PBX1: variants seen among roughly 807,000 people sequenced by gnomAD.
The protein encoded by PBX1 is pre-B-cell leukemia transcription factor 1.
A neutral mutation model predicts 53.4 loss-of-function variants in PBX1; 6 were observed. The observed-to-expected ratio is 0.11, with a 90% CI of 0.06 to 0.22. The LOEUF (loss-of-function observed/expected upper bound fraction) is 0.22. Ranked by LOEUF, PBX1 falls within the 10% of genes least tolerant of loss-of-function variation. PBX1 has a pLI of 1.00. For missense variants in PBX1, 251 were observed against 551.4 expected, an observed-to-expected ratio of 0.46 and a Z score of 5.46; for synonymous variants, 204 against 212.3, an observed-to-expected ratio of 0.96 and a Z score of 0.34.
chr1:164,590,208 T>C, intron 2 of PBX1: 1 of 341,706 alleles, frequency 2.9e-6, no homozygotes, highest in Non-Finnish European at 5.6e-6. Context: ...CGAGACCCTG[T>C]GTTGAAAAAA....
At chr1:164,562,493 A>ACC (rs1553207151) in intron 1 of PBX1, among the ~76,000 whole-genome samples, 4 of 145,290 alleles carry the variant, frequency 2.8e-5, no homozygotes, top group African/African-American at 1.0e-4. Context: ...ACACACACAC[A>ACC]CCAGGTAAAT....
At chr1:164,800,535 A>G (rs1669019695) in intron 4 of PBX1, among the ~76,000 whole-genome samples, 1 of 152,198 alleles carries the variant, frequency 6.6e-6, no homozygotes, top group Non-Finnish European at 1.5e-5. Context: ...AAGGACCTTT[A>G]AAAGAAGACA....
At chr1:164,604,550 T>C (rs990639062) in intron 2 of PBX1, among the ~76,000 whole-genome samples, 7 of 152,226 alleles carry the variant, frequency 4.6e-5, no homozygotes, top group Non-Finnish European at 7.3e-5. Flanking sequence ...GATTTGGCCT[T>C]AACAAATGAA....
At chr1:164,815,388 GTGTT>G (rs1669831782) in intron 6 of PBX1, 1 of 152,190 alleles carries the variant, frequency 6.6e-6, no homozygotes, top group African/African-American at 2.4e-5. Context: ...GCTTAGCTGT[GTGTT>G]TGTGTCAAGG....
At chr1:164,650,843 G>A (rs1659762191) in intron 2 of PBX1, among the ~76,000 whole-genome samples, 1 of 151,824 alleles carries the variant, frequency 6.6e-6, no homozygotes, top group Non-Finnish European at 1.5e-5. Context: ...GCAGGAAGTA[G>A]CATTTCAGAT....
chr1:164,633,778 A>G (rs1658566254), intron 2 of PBX1, among the ~76,000 whole-genome samples: 1 of 152,190 alleles, frequency 6.6e-6, no homozygotes, highest in Admixed American at 6.5e-5. Flanking sequence ...TTCCTAATCT[A>G]TGTAATAGGA....
chr1:164,600,990 A>G (rs1656129023), intron 2 of PBX1, among the ~76,000 whole-genome samples: 1 of 152,098 alleles, frequency 6.6e-6, no homozygotes, highest in South Asian at 2.1e-4. Context: ...TAATCCCAGC[A>G]CTTTGGGAGG....
intron 2 of PBX1, among the ~76,000 whole-genome samples, chr1:164,782,169 C>T (rs2102277109): frequency 6.6e-6 from 1 of 152,316 alleles, no homozygotes; most frequent in South Asian, 2.1e-4. Context: ...CCTAGAGTGG[C>T]TTCCAGTGCC....
rs914427001 is a variant in PBX1 at position 164,559,569 on chromosome 1, C to T, written c.-254C>T. ...TTGCTTTTTGGAGTCAACACCCTTC[C>T]CCACCAGCCCTTATCCCCACCCTCA... On this transcript the variant is annotated 5_prime_UTR_variant, in exon 1 of 9. Transcript: ENST00000420696. 2.5e-6 allele frequency: 1 copy of T among 397,240 alleles called. No individual in the cohort carries two copies. The highest frequency in any genetic ancestry group is 2.1e-5 in the African/African-American group (1 of 48,424). 24.6% of individuals were successfully genotyped at this position (397,240 alleles called of 1,614,324 possible). A position where few individuals can be genotyped will look rare whatever the true frequency, so the allele number is the denominator to read the frequency against.
At chr1:164,684,124 T>A (rs1365749665) in intron 2 of PBX1, 1 of 152,178 alleles carries the variant, frequency 6.6e-6, no homozygotes, top group Non-Finnish European at 1.5e-5. Context: ...AGCCTGTAAT[T>A]ATTCTAAAGA....
chr1:164,612,560 C>T (rs1470328062), intron 2 of PBX1, among the ~76,000 whole-genome samples: 1 of 152,166 alleles, frequency 6.6e-6, no homozygotes, highest in Admixed American at 6.6e-5. Flanking sequence ...CTTCCTCCTT[C>T]CCTCACCCCA....
intron 2 of PBX1, among the ~76,000 whole-genome samples, chr1:164,711,856 G>A (rs1031106226): frequency 1.3e-5 from 2 of 152,226 alleles, no homozygotes; most frequent in East Asian, 3.9e-4. Context: ...ACTGAAATGT[G>A]GCCTTCACAG....
intron 2 of PBX1, among the ~76,000 whole-genome samples, chr1:164,655,343 C>T (rs1660102030): frequency 6.6e-6 from 1 of 152,046 alleles, no homozygotes; most frequent in Non-Finnish European, 1.5e-5. Context: ...GAACTCTCGA[C>T]CTCAGGTGAT....
chr1:164,759,764 G>A (rs920161072), intron 2 of PBX1, among the ~76,000 whole-genome samples: 3 of 152,154 alleles, frequency 2.0e-5, no homozygotes, highest in African/African-American at 7.2e-5. Context: ...CTGGAGTCAG[G>A]ACACGTAAGG....
At chr1:164,640,953 A>G (rs1468014824) in intron 2 of PBX1, 1 of 152,592 alleles carries the variant, frequency 6.6e-6, no homozygotes, top group Non-Finnish European at 1.5e-5. Flanking sequence ...TTGGTTGCTT[A>G]AGACCCTTAA....
rs1051383016 is a variant in PBX1 at position 164,711,509 on chromosome 1, T to G, written c.266-80985T>G. Among the ~76,000 whole-genome samples the G allele has an allele frequency of 3.3e-5, 5 of 152,166 alleles. No individual in the cohort carries two copies. In the South Asian group the frequency reaches 6.2e-4, roughly 19 times the overall value. ...CGATCTCCTGACCTCGTGATCCACA[T>G]GCCTTGGCCTCCCAAAGTGCTGGGA... On this transcript the variant is annotated intron_variant, in intron 2 of 8. Transcript: ENST00000420696.
At position 164,605,935 on chromosome 1, in the gene PBX1, C is replaced by A. The variant is rs137878591; in HGVS notation, c.265+42624C>A. 2.6e-3 allele frequency among the ~76,000 whole-genome samples: 392 copies of A among 152,160 alleles called. 3 individuals are homozygous for A. The highest frequency in any genetic ancestry group is 9.1e-3 in the African/African-American group (379 of 41,506). The stretch of plus-strand genomic sequence containing the variant: ...TAAGATTTTATTTTTCATTAAAATT[C>A]TTTGAATTCAGACACTTTTGGTAAT... On this transcript the variant is annotated intron_variant, in intron 2 of 8. Coordinates refer to ENST00000420696, the MANE Select transcript of PBX1 (RefSeq NM_002585.4).
chr1:164,821,515 C>T, intron 7 of PBX1, 22 bp from the exon 8 acceptor site: 1 of 1,592,348 alleles, frequency 6.3e-7, no homozygotes, highest in Non-Finnish European at 8.6e-7. Flanking sequence ...AATTTTCTCT[C>T]TGTTATTGTT....
chr1:164,591,115 G>A (rs575097365), intron 2 of PBX1, among the ~76,000 whole-genome samples: 46 of 151,454 alleles, frequency 3.0e-4, no homozygotes, highest in Non-Finnish European at 5.2e-4. Flanking sequence ...AGGTTCAAGC[G>A]ATTCTCCTGC....
Sources: gnomAD v4.1 joint callset for allele counts (sites outside exome capture counted in the v4.1 genomes callset) on GRCh38, gnomAD v4.1.1 for gene constraint, MANE v1.5 for transcripts, NCBI Gene and HGNC (gene_info 2026-07-23, HGNC 2026-07-21) for gene names.